STXBP5L: variants seen among roughly 807,000 people sequenced by gnomAD.
STXBP5L encodes syntaxin-binding protein 5-like.
In STXBP5L, 65 loss-of-function variants were observed where a neutral mutation model predicts 144.5. The observed-to-expected ratio is 0.45, with a 90% CI of 0.37 to 0.55. The LOEUF is 0.55. Among genes scored for constraint, STXBP5L ranks in the 20% least tolerant of loss-of-function variants. STXBP5L has a pLI of 0.00. For missense variants in STXBP5L, 1,298 were observed against 1,405.5 expected, an observed-to-expected ratio of 0.92 and a Z score of 1.22; for synonymous variants, 505 against 469.6, an observed-to-expected ratio of 1.08 and a Z score of -0.97.
chr3:121,158,868 T>A (rs1011028777), intron 9 of STXBP5L: 2 of 152,218 alleles, frequency 1.3e-5, no homozygotes, highest in Non-Finnish European at 2.9e-5. Flanking sequence ...TTGATACTTT[T>A]ATTTTTTTTA....
chr3:121,340,660 CTCA>C (rs748952871), intron 20 of STXBP5L, among the ~76,000 whole-genome samples: 5 of 152,078 alleles, frequency 3.3e-5, no homozygotes, highest in African/African-American at 4.8e-5. Flanking sequence ...AGGACATGAA[CTCA>C]TCCTTTTTAT....
At chr3:120,998,179 A>T (rs993609490) in intron 3 of STXBP5L, among the ~76,000 whole-genome samples, 1 of 152,116 alleles carries the variant, frequency 6.6e-6, no homozygotes, top group Non-Finnish European at 1.5e-5. Flanking sequence ...CAACAAGACA[A>T]ATGTGCCCCC....
At chr3:121,153,874 A>T (rs1201513290) in intron 8 of STXBP5L, among the ~76,000 whole-genome samples, 1 of 151,954 alleles carries the variant, frequency 6.6e-6, no homozygotes, top group East Asian at 1.9e-4. Context: ...GAGCTAAGCT[A>T]GGAGTTTCCT....
intron 3 of STXBP5L, among the ~76,000 whole-genome samples, chr3:121,006,416 T>C (rs1052630542): frequency 1.3e-5 from 2 of 152,178 alleles, no homozygotes; most frequent in South Asian, 2.1e-4. Flanking sequence ...TAGATCTTCC[T>C]CCATCCCTTT....
At chr3:121,257,011 T>G (rs2050227050) in intron 16 of STXBP5L, 150 bp from the exon 17 acceptor site, 2 of 552,602 alleles carry the variant, frequency 3.6e-6, no homozygotes, top group South Asian at 6.5e-5. Context: ...CTGTAAATAG[T>G]ATTGAACTTA....
chr3:121,014,606 A>G (rs1945011975), intron 3 of STXBP5L, among the ~76,000 whole-genome samples: 1 of 148,434 alleles, frequency 6.7e-6, no homozygotes, highest in African/African-American at 2.5e-5. Context: ...TGAATACCAA[A>G]CATTAGGTGT....
At chr3:121,231,246 C>T (rs1051347904) in intron 11 of STXBP5L, among the ~76,000 whole-genome samples, 3 of 152,162 alleles carry the variant, frequency 2.0e-5, no homozygotes, top group African/African-American at 7.2e-5. Flanking sequence ...TGTGCCTCGA[C>T]TGGTGGTGGC....
rs2048987716 is a variant in STXBP5L at position 121,222,007 on chromosome 3, A to G, written c.957-996A>G. ...TACAGAGCGATTTCTAGAAACAAGT[A>G]GATTCTTCAGCTTAGCAAATAGGAT... On this transcript the variant is annotated intron_variant, in intron 10 of 26. Transcript: ENST00000471454. Among the ~76,000 whole-genome samples the G allele has an allele frequency of 2.0e-5, 3 of 152,068 alleles. 1 individual carries two copies. In the South Asian group the frequency reaches 6.2e-4, roughly 31 times the overall value.
At chr3:120,959,282 C>T (rs551889493) in intron 3 of STXBP5L, among the ~76,000 whole-genome samples, 2 of 152,184 alleles carry the variant, frequency 1.3e-5, no homozygotes, top group South Asian at 4.1e-4. Flanking sequence ...ACATTCCATG[C>T]TCATGGTTAG....
At chr3:120,911,944 A>G (rs957673255) in intron 2 of STXBP5L, among the ~76,000 whole-genome samples, 1 of 151,960 alleles carries the variant, frequency 6.6e-6, no homozygotes, top group African/African-American at 2.4e-5. Context: ...TGTGCAAAAA[A>G]ATTTCTCTTC....
intron 5 of STXBP5L, among the ~76,000 whole-genome samples, chr3:121,051,882 G>A (rs1422689286): frequency 1.3e-5 from 2 of 151,962 alleles, no homozygotes; most frequent in Non-Finnish European, 2.9e-5. Context: ...TCAAATAGAT[G>A]CAATAAAAAA....
intron 3 of STXBP5L, among the ~76,000 whole-genome samples, chr3:121,026,502 G>A (rs1225436064): frequency 1.3e-5 from 2 of 151,972 alleles, no homozygotes; most frequent in Non-Finnish European, 2.9e-5. Flanking sequence ...GAGAGCAAGG[G>A]CTTTTATGTC....
At chr3:121,051,808 T>G (rs1277285082) in intron 5 of STXBP5L, among the ~76,000 whole-genome samples, 4 of 151,972 alleles carry the variant, frequency 2.6e-5, no homozygotes, top group Non-Finnish European at 5.9e-5. Flanking sequence ...AGCTGGTTTT[T>G]CAAAAAGATC....
intron 14 of STXBP5L, among the ~76,000 whole-genome samples, chr3:121,250,123 C>A (rs987506130): frequency 1.1e-4 from 16 of 151,840 alleles, no homozygotes; most frequent in African/African-American, 3.1e-4. Context: ...TATGCCTATT[C>A]TCATGAGGAA....
intron 5 of STXBP5L, among the ~76,000 whole-genome samples, chr3:121,078,057 A>G (rs1560099073): frequency 6.6e-6 from 1 of 151,666 alleles, no homozygotes; most frequent in Non-Finnish European, 1.5e-5. Context: ...CTTGAGCTAG[A>G]TACAGAGTGC....
intron 19 of STXBP5L, chr3:121,282,439 G>A: frequency 3.8e-6 from 4 of 1,048,244 alleles, no homozygotes; most frequent in South Asian, 1.8e-5. Flanking sequence ...AACACATTCA[G>A]CATGCATGCA....
intron 11 of STXBP5L, among the ~76,000 whole-genome samples, chr3:121,231,063 T>C (rs1447006563): frequency 2.6e-5 from 4 of 152,326 alleles, no homozygotes; most frequent in Admixed American, 6.5e-5. Flanking sequence ...GGCTGATTAA[T>C]GGGCAGCTTC....
chr3:121,277,549 GCTTTGAAAAGCA>G (rs370059147), intron 18 of STXBP5L, among the ~76,000 whole-genome samples: 2 of 151,400 alleles, frequency 1.3e-5, no homozygotes, highest in African/African-American at 4.9e-5. Context: ...TCTGTAATAT[GCTTTGAAAAGCA>G]CTTTCATTAT....
At chr3:121,322,362 C>A (rs760226410) in intron 20 of STXBP5L, among the ~76,000 whole-genome samples, 1 of 151,594 alleles carries the variant, frequency 6.6e-6, no homozygotes, top group African/African-American at 2.4e-5. Flanking sequence ...CCTGCAATCC[C>A]AGCTACTAGG....
Sources: gnomAD v4.1 joint callset for allele counts (sites outside exome capture counted in the v4.1 genomes callset) on GRCh38, gnomAD v4.1.1 for gene constraint, MANE v1.5 for transcripts, NCBI Gene and HGNC (gene_info 2026-07-23, HGNC 2026-07-21) for gene names.